LUZP2: variants seen among roughly 807,000 people sequenced by gnomAD.
The protein encoded by LUZP2 is leucine zipper protein 2.
LUZP2 carries 52 observed loss-of-function variants against 51.6 expected under a neutral mutation model. The observed-to-expected ratio is 1.01, with a 90% CI of 0.81 to 1.27. The LOEUF (loss-of-function observed/expected upper bound fraction) is 1.27, where lower values mean the gene tolerates loss of function less well. LUZP2 is among the 50% of genes most tolerant of loss of function. The probability of loss-of-function intolerance (pLI) is 0.00; values close to 1 mark genes in which losing one functional copy is unlikely to be tolerated. For synonymous variants in LUZP2, 154 were observed against 137.3 expected (o/e 1.12, Z -0.85); for missense variants, 436 against 395.4 (o/e 1.10, Z -0.87).
chr11:24,615,962 A>T (rs7118764), intron 1 of LUZP2, among the ~76,000 whole-genome samples: 54,089 of 150,960 alleles, frequency 0.36, 9,848 homozygotes, highest in Middle Eastern at 0.43. Context: ...ATATCTTCAC[A>T]AGTGAAGTGT....
At chr11:24,531,644 CT>C (rs1851004030) in intron 1 of LUZP2, among the ~76,000 whole-genome samples, 1 of 150,836 alleles carries the variant, frequency 6.6e-6, no homozygotes, top group South Asian at 2.1e-4. Flanking sequence ...GTGAGTAGAA[CT>C]TTTTTAGCTT....
At chr11:25,027,626 CT>C (rs1857530411) in intron 9 of LUZP2, among the ~76,000 whole-genome samples, 1 of 152,244 alleles carries the variant, frequency 6.6e-6, no homozygotes, top group South Asian at 2.1e-4. Flanking sequence ...AATCCCAGCA[CT>C]TTGGGAGGCC....
rs1853735736 is a variant in LUZP2 at position 24,914,494 on chromosome 11, C to G, written c.478C>G (p.Gln160Glu). The G allele has an allele frequency of 6.2e-7, 1 of 1,609,274 alleles. No homozygotes were observed. The highest frequency in any genetic ancestry group is 2.2e-5 in the East Asian group (1 of 44,658). ...HAEESKKIQA[Q>E]LKELRYGKKD... ...CTTACAGTCAAAAAAAATCCAAGCC[C>G]AGCTGAAGGAGCTTCGTTATGGGAA... Residue 160 changes from glutamine to glutamate, a missense_variant, in exon 7 of 12, where the codon CAG becomes GAG. Coordinates refer to ENST00000336930, the MANE Select transcript of LUZP2 (RefSeq NM_001009909.4).
At chr11:24,951,467 A>G (rs1399912549) in intron 7 of LUZP2, among the ~76,000 whole-genome samples, 1 of 151,430 alleles carries the variant, frequency 6.6e-6, no homozygotes, top group Non-Finnish European at 1.5e-5. Flanking sequence ...TTTTACGATT[A>G]TTTTTCTAAT....
intron 1 of LUZP2, among the ~76,000 whole-genome samples, chr11:24,654,614 T>G (rs1234944846): frequency 6.6e-6 from 1 of 152,018 alleles, no homozygotes; most frequent in East Asian, 1.9e-4. Context: ...GCCATTCTCC[T>G]GCCTCAGCAC....
chr11:24,976,230 G>A (rs914466624), intron 7 of LUZP2, among the ~76,000 whole-genome samples: 17 of 151,862 alleles, frequency 1.1e-4, no homozygotes, highest in South Asian at 4.1e-4. Context: ...GGCCTTCAAC[G>A]TATAAATTTT....
chr11:24,497,845 T>A (rs956201251), intron 1 of LUZP2, among the ~76,000 whole-genome samples: 1 of 152,214 alleles, frequency 6.6e-6, no homozygotes, highest in African/African-American at 2.4e-5. Context: ...AGCTTAGTGA[T>A]AGGCGTTTTC....
chr11:24,667,144 C>T lies in LUZP2; in HGVS notation c.63-62025C>T, dbSNP rs1284310089. On this transcript the variant is annotated intron_variant, in intron 1 of 11. Transcript: ENST00000336930. ...GACTTTTCTTCTTATATTCAAAATACACAGTACTTCAACAGCCCAAATATA... is the reference window on the plus strand; with the variant it reads ...GACTTTTCTTCTTATATTCAAAATATACAGTACTTCAACAGCCCAAATATA... 6.6e-5 allele frequency among the ~76,000 whole-genome samples: 10 copies of T among 151,696 alleles called. No individual in the cohort carries two copies. In the East Asian group the frequency reaches 1.2e-3, roughly 18 times the overall value.
intron 10 of LUZP2, among the ~76,000 whole-genome samples, chr11:25,071,848 TA>T (rs60570681): frequency 0.56 from 85,350 of 151,204 alleles, 25,332 homozygotes; most frequent in African/African-American, 0.72. Flanking sequence ...TAAAAAAAGA[TA>T]AAAAAAAATA....
At chr11:24,523,815 C>T (rs139911483) in intron 1 of LUZP2, among the ~76,000 whole-genome samples, 15 of 151,732 alleles carry the variant, frequency 9.9e-5, no homozygotes, top group African/African-American at 3.4e-4. Flanking sequence ...TACCTTTAAT[C>T]TTAGGCCTTA....
intron 1 of LUZP2, among the ~76,000 whole-genome samples, chr11:24,674,888 T>G (rs1462640514): frequency 1.3e-5 from 2 of 152,222 alleles, no homozygotes; most frequent in African/African-American, 2.4e-5. Flanking sequence ...AAATTTTAGA[T>G]AGTCTTCCCT....
rs76615797 is a variant in LUZP2 at position 24,934,226 on chromosome 11, A to G, written c.522+19688A>G. Among the ~76,000 whole-genome samples the G allele has an allele frequency of 9.7e-3, 1,474 of 152,306 alleles. 20 individuals are homozygous for G. The highest frequency in any genetic ancestry group is 0.044 in the South Asian group (214 of 4,822). The stretch of plus-strand genomic sequence containing the variant: ...CTTCAGGCCATCTGGATATATACAC[A>G]TGCAGGTCACAAGGGATATGATGGC... On this transcript the variant is annotated intron_variant, in intron 7 of 11. Coordinates refer to ENST00000336930, the MANE Select transcript of LUZP2 (RefSeq NM_001009909.4).
intron 1 of LUZP2, among the ~76,000 whole-genome samples, chr11:24,546,203 G>A (rs752819521): frequency 6.6e-6 from 1 of 151,956 alleles, no homozygotes; most frequent in Admixed American, 6.6e-5. Flanking sequence ...GGGTTTCTTC[G>A]ATACAGGATT....
At chr11:24,894,682 C>G (rs11028258) in intron 5 of LUZP2, among the ~76,000 whole-genome samples, 75,253 of 149,942 alleles carry the variant, frequency 0.5, 19,173 homozygotes, top group East Asian at 0.73. Context: ...TTAACTCCCT[C>G]TTATACACGA....
At chr11:24,922,712 TA>T (rs1465555039) in intron 7 of LUZP2, among the ~76,000 whole-genome samples, 1 of 151,918 alleles carries the variant, frequency 6.6e-6, no homozygotes, top group African/African-American at 2.4e-5. Flanking sequence ...AAAATAATTA[TA>T]TGAGTCAGAC....
intron 10 of LUZP2, among the ~76,000 whole-genome samples, chr11:25,050,353 G>T (rs993001098): frequency 7.3e-6 from 1 of 136,670 alleles, no homozygotes; most frequent in Non-Finnish European, 1.5e-5. Flanking sequence ...CCAGGCTGGA[G>T]TGCAGTGGCA....
chr11:25,030,957 A>ATATAATAT (rs1554957953), intron 9 of LUZP2, among the ~76,000 whole-genome samples: 1 of 2,034 alleles, frequency 4.9e-4, no homozygotes, highest in Non-Finnish European at 6.9e-4. Flanking sequence ...TTATATATAT[A>ATATAATAT]ATACAATATA....
rs1374416880 is a variant in LUZP2, at chr11:25,074,815, C to T, written c.859-2514C>T. ...GGTGTGTTTTTTTAGCAGTCACCTCCTGTGATTATGTGATCAGATCATTCA... is the reference window on the plus strand; with the variant it reads ...GGTGTGTTTTTTTAGCAGTCACCTCTTGTGATTATGTGATCAGATCATTCA... On this transcript the variant is annotated intron_variant, in intron 10 of 11. Transcript: ENST00000336930. Among the ~76,000 whole-genome samples, 3 of 151,954 alleles carry T rather than the reference C, an allele frequency of 2.0e-5. No homozygotes were observed. The East Asian group carries it at 5.8e-4, about 29-fold the overall frequency.
At chr11:24,540,134 G>A (rs1376275800) in intron 1 of LUZP2, among the ~76,000 whole-genome samples, 1 of 151,978 alleles carries the variant, frequency 6.6e-6, no homozygotes, top group Non-Finnish European at 1.5e-5. Flanking sequence ...CACCACTTTG[G>A]ATTTTCATAT....
Sources: allele counts gnomAD v4.1 joint callset (sites outside exome capture counted in the v4.1 genomes callset), GRCh38; gene constraint gnomAD v4.1.1; transcripts MANE v1.5; gene names NCBI Gene and HGNC (gene_info 2026-07-23, HGNC 2026-07-21).